PTPN23: variants seen among roughly 807,000 people sequenced by gnomAD.
PTPN23 encodes protein tyrosine phosphatase non-receptor type 23, also known as tyrosine-protein phosphatase non-receptor type 23.
Under a neutral mutation model 156.3 loss-of-function variants are expected in PTPN23, and 72 were observed. That is an observed-to-expected ratio of 0.46 (90% CI 0.38 to 0.56). PTPN23 has a LOEUF of 0.56. PTPN23 is among the 20% of genes least tolerant of loss of function. The pLI is 0.00. For synonymous variants in PTPN23, 957 were observed against 899.6 expected, an observed-to-expected ratio of 1.06 and a Z score of -1.14; for missense variants, 1,974 against 2,171.5, an observed-to-expected ratio of 0.91 and a Z score of 1.81.
rs1418221943 is a variant in PTPN23, at chr3:47,411,598, C to T, written c.3800C>T (p.Pro1267Leu). 1 of 1,612,504 alleles carries T rather than the reference C, an allele frequency of 6.2e-7. No homozygotes were observed. Among genetic ancestry groups the T allele is most frequent in the African/African-American group, 1.3e-5 (1 of 75,038 alleles). ...CTAGTGGCAACCCAGGCCCCACTGC[C>T]TGGCACAGCTGCTGACTTCTGGCTC... ...PPLVATQAPLPGTAADFWLMV... is the reference protein window; with the variant it reads ...PPLVATQAPLLGTAADFWLMV... Residue 1267 changes from proline (P) to leucine (L), a missense_variant, in exon 20 of 25, where the codon CCT (proline) becomes CTT (leucine). Coordinates refer to ENST00000265562, the MANE Select transcript of PTPN23 (RefSeq NM_015466.4). This position sits in a 1 kb window ranked among gnomAD's most constrained non-coding sequence, Gnocchi z 6.3.
At chr3:47,383,558 G>A (rs1386590135) in intron 1 of PTPN23, among the ~76,000 whole-genome samples, 1 of 152,206 alleles carries the variant, frequency 6.6e-6, no homozygotes, top group African/African-American at 2.4e-5. Context: ...ATAGTTGGCA[G>A]TCAGAAAAAT....
chr3:47,403,723 C>T (rs1705053840), intron 2 of PTPN23, among the ~76,000 whole-genome samples: 1 of 152,056 alleles, frequency 6.6e-6, no homozygotes, highest in Non-Finnish European at 1.5e-5. Context: ...GAGACAGGGT[C>T]TTGCTACATT....
At chr3:47,404,548 G>T in intron 2 of PTPN23, 104 bp from the exon 3 acceptor site, 1 of 1,482,148 alleles carries the variant, frequency 6.7e-7, no homozygotes, top group Non-Finnish European at 9.3e-7. Flanking sequence ...GGTGTGTGCA[G>T]TCGGCCAGCT....
chr3:47,393,886 TG>T (rs1704825172), intron 1 of PTPN23, among the ~76,000 whole-genome samples: 1 of 151,540 alleles, frequency 6.6e-6, no homozygotes, highest in African/African-American at 2.4e-5. Flanking sequence ...ACTACAGGCG[TG>T]GGCTACCATA....
At chr3:47,391,122 G>A (rs542721955) in intron 1 of PTPN23, among the ~76,000 whole-genome samples, 15 of 152,108 alleles carry the variant, frequency 9.9e-5, no homozygotes, top group Admixed American at 8.5e-4. Context: ...CTGTAGTTCC[G>A]GCTTCTTGGA....
Position 47,413,281 on chromosome 3 carries a change from A to C in PTPN23, c.*96A>C. ...AGCTTCTCAGTGGGCACAGTCTCTT[A>C]CTCCCATTTCTGCTGCCTTTGGCCC... On this transcript the variant is annotated 3_prime_UTR_variant, in exon 25 of 25. Transcript: ENST00000265562. 1 of 1,480,332 alleles carries C rather than the reference A, an allele frequency of 6.8e-7. No individual in the cohort carries two copies. The highest frequency in any genetic ancestry group is 9.1e-7 in the Non-Finnish European group (1 of 1,096,274). 91.7% of individuals were successfully genotyped at this position (1,480,332 alleles called of 1,614,324 possible). A position where few individuals can be genotyped will look rare whatever the true frequency, so the allele number is the denominator to read the frequency against.
At position 47,409,148 on chromosome 3, in the gene PTPN23, C is replaced by T; in HGVS notation, c.1643-15C>T. ...TGGGGGTTTCTCTGGCCTCACTGAC[C>T]ACTGCTGCCCACAGAGGACAAGGCC... On this transcript the variant is annotated splice_polypyrimidine_tract_variant and intron_variant, in intron 16 of 24. Coordinates refer to ENST00000265562, the MANE Select transcript of PTPN23 (RefSeq NM_015466.4). 6 of 1,610,462 alleles carry T rather than the reference C, an allele frequency of 3.7e-6. No homozygotes were observed. The highest frequency in any genetic ancestry group is 5.1e-6 in the Non-Finnish European group (6 of 1,177,520).
At position 47,411,726 on chromosome 3, in the gene PTPN23, G is replaced by A. The variant is rs11707038; in HGVS notation, c.3888+40G>A. On this transcript the variant is annotated intron_variant, in intron 20 of 24. Coordinates refer to ENST00000265562, the MANE Select transcript of PTPN23 (RefSeq NM_015466.4). This position sits in a 1 kb window ranked among gnomAD's most constrained non-coding sequence, Gnocchi z 6.3. ...TGGGTGCCCACGAGGGCAGTGTGGG[G>A]TGGCAGGGCAGGGGATCCTGGAAAA... The A allele has an allele frequency of 0.18, 282,118 of 1,593,052 alleles. 26,641 individuals are homozygous for A. Among genetic ancestry groups the A allele is most frequent in the Middle Eastern group, 0.2 (1,194 of 5,972 alleles).
Position 47,412,790 on chromosome 3 carries a change from A to G in PTPN23, c.4516A>G (p.Ser1506Gly), listed in dbSNP as rs1385730861. Residue 1506 changes from serine (S) to glycine (G), a missense_variant, in exon 25 of 25, where the codon AGC becomes GGC. Ser to Gly is a moderately conservative substitution (Grantham distance 56, BLOSUM62 0). Transcript: ENST00000265562. The stretch of plus-strand genomic sequence containing the variant: ...CATCCAGGCCACCATTGCCAAGCTC[A>G]GCATTCGGCCTCCTGGGGGGTTGGA... ...SSIQATIAKLSIRPPGGLESP... is the reference protein window; with the variant it reads ...SSIQATIAKLGIRPPGGLESP... The G allele has an allele frequency of 6.2e-7, 1 of 1,613,188 alleles. No individual in the cohort carries two copies. The highest frequency in any genetic ancestry group is 1.7e-5 in the Admixed American group (1 of 59,978).
Position 47,410,578 on chromosome 3 carries a change from G to A in PTPN23, c.2780G>A (p.Gly927Glu), listed in dbSNP as rs148096792. The A allele has an allele frequency of 1.2e-4, 194 of 1,611,614 alleles. No individual in the cohort carries two copies. The highest frequency in any genetic ancestry group is 1.6e-4 in the Middle Eastern group (1 of 6,076). Reference protein sequence around the residue: ...PLPTPYTYPAGAKQPIPAQHH... With the variant: ...PLPTPYTYPAEAKQPIPAQHH... ...CCCACGCCTTACACCTACCCTGCAG[G>A]GGCTAAGCAACCCATCCCGGCACAG... Residue 927 changes from glycine (G) to glutamate (E), a missense_variant, in exon 20 of 25, where the codon GGG becomes GAG. This residue lies in a region of PTPN23 where 731 missense variants were observed against 669.1 expected (regional missense o/e 1.09). Coordinates refer to ENST00000265562, the MANE Select transcript of PTPN23 (RefSeq NM_015466.4).
At chr3:47,386,322 C>T (rs762285590) in intron 1 of PTPN23, among the ~76,000 whole-genome samples, 3 of 152,078 alleles carry the variant, frequency 2.0e-5, no homozygotes, top group Admixed American at 6.6e-5. Context: ...TGTACCACCA[C>T]GCCCAACCAA....
At chr3:47,404,934 A>G (rs1279631312) in intron 3 of PTPN23, 71 bp from the exon 4 acceptor site, 1 of 1,599,470 alleles carries the variant, frequency 6.3e-7, no homozygotes, top group Non-Finnish European at 8.6e-7. Flanking sequence ...TGGGGTGTTT[A>G]GTCCCCTTAC....
At position 47,405,522 on chromosome 3, in the gene PTPN23, T is replaced by C; in HGVS notation, c.365-227T>C. 1 of 582,976 alleles carries C rather than the reference T, an allele frequency of 1.7e-6. No homozygotes were observed. The highest frequency in any genetic ancestry group is 2.0e-5 in the South Asian group (1 of 48,850). 36.1% of individuals were successfully genotyped at this position (582,976 alleles called of 1,614,324 possible). ...CCTGAAGCTTCAAGATTGGACCCCTTGGACAGGAGCCCTTCCATCCTCTGC... is the reference window on the plus strand; with the variant it reads ...CCTGAAGCTTCAAGATTGGACCCCTCGGACAGGAGCCCTTCCATCCTCTGC... On this transcript the variant is annotated intron_variant, in intron 4 of 24. Transcript: ENST00000265562. This position sits in a 1 kb window ranked among gnomAD's most constrained non-coding sequence, Gnocchi z 4.7.
rs764538816 is a variant in PTPN23 at position 47,412,181 on chromosome 3, C to T, written c.4161C>T (p.Pro1387=). The T allele has an allele frequency of 6.8e-6, 11 of 1,613,122 alleles. No individual in the cohort carries two copies. Among genetic ancestry groups the T allele is most frequent in the Non-Finnish European group, 7.6e-6 (9 of 1,180,052 alleles). The stretch of plus-strand genomic sequence containing the variant: ...TGCATCAGCGGCCGCTGCACACGCC[C>T]ATCATTGTGCACTGCAGGTAGAGGG... The part of the protein sequence containing the change: ...HYLHQRPLHT[P]IIVHCSSGVG... Residue 1387 remains proline (P), a synonymous_variant, in exon 22 of 25, where the codon CCC becomes CCT. Transcript: ENST00000265562.
Position 47,410,364 on chromosome 3 carries a change from C to T in PTPN23, c.2566C>T (p.Pro856Ser). ...SPYVGVGPAPPVAGLPSAPPP... is the reference protein window; with the variant it reads ...SPYVGVGPAPSVAGLPSAPPP... Reference sequence around the variant, plus strand: ...CTATGTGGGGGTAGGGCCGGCCCCACCAGTTGCAGGTCTCCCCTCGGCCCC... The same window carrying T: ...CTATGTGGGGGTAGGGCCGGCCCCATCAGTTGCAGGTCTCCCCTCGGCCCC... The change falls in exon 20 of 25, where the codon CCA becomes TCA. Residue 856 changes from proline (P) to serine (S), a missense_variant. Physicochemically the swap from Pro to Ser is moderately conservative, Grantham distance 74 (BLOSUM62 -1). This residue lies in a region of PTPN23 where 731 missense variants were observed against 669.1 expected (regional missense o/e 1.09). Coordinates refer to ENST00000265562, the MANE Select transcript of PTPN23 (RefSeq NM_015466.4). 1 of 1,610,410 alleles carries T rather than the reference C, an allele frequency of 6.2e-7. No individual in the cohort carries two copies. Among genetic ancestry groups the T allele is most frequent in the South Asian group, 1.1e-5 (1 of 90,442 alleles).
At chr3:47,383,719 G>C (rs1026199345) in intron 1 of PTPN23, among the ~76,000 whole-genome samples, 4 of 152,216 alleles carry the variant, frequency 2.6e-5, no homozygotes, top group African/African-American at 9.6e-5. Flanking sequence ...GATTCACACC[G>C]ACCCAAAGGG....
chr3:47,398,936 T>C (rs1436272177), intron 2 of PTPN23, among the ~76,000 whole-genome samples: 1 of 152,220 alleles, frequency 6.6e-6, no homozygotes, highest in Non-Finnish European at 1.5e-5. Context: ...GACTTTCTCA[T>C]TTGCCCTATA....
chr3:47,402,580 A>T (rs1479956687), intron 2 of PTPN23, among the ~76,000 whole-genome samples: 1 of 151,510 alleles, frequency 6.6e-6, no homozygotes, highest in African/African-American at 2.4e-5. Context: ...TCGCCCAGCC[A>T]TATCTATCTA....
Position 47,381,037 on chromosome 3 carries a change from C to T in PTPN23, c.-60C>T. ...CGAAGGGGCGGGGCTGGGCTCGTGG[C>T]TGAGCCAGCAGCTGCAGCAGCTACG... On this transcript the variant is annotated 5_prime_UTR_variant, in exon 1 of 25. Transcript: ENST00000265562. 1 of 1,549,228 alleles carries T rather than the reference C, an allele frequency of 6.5e-7. No homozygotes were observed. The highest frequency in any genetic ancestry group is 1.2e-5 in the South Asian group (1 of 83,994).
Sources: allele counts gnomAD v4.1 joint callset (sites outside exome capture counted in the v4.1 genomes callset), GRCh38; gene constraint gnomAD v4.1.1; regional missense constraint gnomAD v4.1.1; non-coding constraint Gnocchi (gnomAD v3.1); transcripts MANE v1.5; gene names NCBI Gene and HGNC (gene_info 2026-07-23, HGNC 2026-07-21).